Variants in TRDN observed in about 807,000 individuals in gnomAD.
TRDN encodes triadin, also known as triadin in skeletal muscle.
A neutral mutation model predicts 149.7 loss-of-function variants in TRDN; 161 were observed. That is an observed-to-expected ratio of 1.08 (90% CI 0.95 to 1.23). TRDN has a LOEUF of 1.23. TRDN is among the 50% of genes most tolerant of loss of function. The pLI, the probability that TRDN is intolerant of heterozygous loss-of-function variation, is 0.00. For synonymous variants in TRDN, 294 were observed against 250.5 expected (o/e 1.17, Z -1.64); for missense variants, 896 against 823.5 (o/e 1.09, Z -1.08).
chr6:123,339,494 A>C (rs1779991515), intron 21 of TRDN, among the ~76,000 whole-genome samples: 1 of 152,182 alleles, frequency 6.6e-6, no homozygotes, highest in Non-Finnish European at 1.5e-5. Context: ...GGACGCCCAA[A>C]AAGGAAACAT....
chr6:123,236,830 A>C (rs1775806159), intron 38 of TRDN, among the ~76,000 whole-genome samples: 1 of 152,036 alleles, frequency 6.6e-6, no homozygotes, highest in Admixed American at 6.6e-5. Context: ...TACTCTTGTG[A>C]TTACTGTAAG....
intron 9 of TRDN, chr6:123,468,872 T>C (rs1035402668): frequency 2.0e-5 from 3 of 152,150 alleles, no homozygotes; most frequent in African/African-American, 7.2e-5. Flanking sequence ...ACTCTGAACA[T>C]TTTGGAAGGA....
chr6:123,287,588 G>T (rs1391686946), intron 24 of TRDN, among the ~76,000 whole-genome samples: 1 of 152,006 alleles, frequency 6.6e-6, no homozygotes, highest in African/African-American at 2.4e-5. Context: ...AGCAAATAAG[G>T]CTTAATTAGA....
chr6:123,532,826 T>G (rs1417590152), intron 4 of TRDN, among the ~76,000 whole-genome samples: 1 of 151,768 alleles, frequency 6.6e-6, no homozygotes, highest in East Asian at 1.9e-4. Context: ...ACTCCTATTA[T>G]ATTACTACTA....
chr6:123,256,683 AGTTT>A (rs1776575136), intron 35 of TRDN, among the ~76,000 whole-genome samples: 1 of 151,356 alleles, frequency 6.6e-6, no homozygotes, highest in South Asian at 2.1e-4. Flanking sequence ...TTTTCTTGTA[AGTTT>A]GTTTAAGTTC....
chr6:123,496,036 T>C (rs1188218496), intron 9 of TRDN, among the ~76,000 whole-genome samples: 1 of 147,480 alleles, frequency 6.8e-6, no homozygotes, highest in Admixed American at 6.8e-5. Context: ...ATATTATTAA[T>C]ATATTATTAA....
chr6:123,261,792 T>C (rs1317566209), intron 33 of TRDN, among the ~76,000 whole-genome samples: 1 of 151,934 alleles, frequency 6.6e-6, no homozygotes, highest in Non-Finnish European at 1.5e-5. Flanking sequence ...CATTCTAGTT[T>C]TGACTTCCAA....
chr6:123,389,152 A>G (rs920320785), intron 13 of TRDN, among the ~76,000 whole-genome samples: 7 of 152,118 alleles, frequency 4.6e-5, no homozygotes, highest in African/African-American at 1.7e-4. Context: ...TATTTATCCA[A>G]TTCTGGACCA....
chr6:123,608,657 C>CTTT (rs936034880), intron 1 of TRDN, among the ~76,000 whole-genome samples: 1 of 151,956 alleles, frequency 6.6e-6, no homozygotes, highest in African/African-American at 2.4e-5. Flanking sequence ...CATCAGAAAA[C>CTTT]ATTCAAAAGT....
chr6:123,425,978 A>T (rs1489866425), intron 12 of TRDN, among the ~76,000 whole-genome samples: 1 of 152,114 alleles, frequency 6.6e-6, no homozygotes, highest in Non-Finnish European at 1.5e-5. Flanking sequence ...GCTGAGAATG[A>T]CCTTAGAAAT....
At chr6:123,351,065 T>C in intron 21 of TRDN, 1 of 985,002 alleles carries the variant, frequency 1.0e-6, no homozygotes, top group Non-Finnish European at 1.2e-6. Context: ...TAGTCAATCT[T>C]CTTTTGATAT....
Position 123,327,975 on chromosome 6 carries a change from CGTT to C in TRDN, c.1471+3901_1471+3903del, listed in dbSNP as rs1211146046. Among the ~76,000 whole-genome samples, 12 of 152,166 alleles carry C rather than the reference CGTT, an allele frequency of 7.9e-5. No individual in the cohort carries two copies. The East Asian group carries it at 1.9e-3, about 24-fold the overall frequency. The stretch of plus-strand genomic sequence containing the variant: ...ACATATTCATGCACATTGATTTTTG[CGTT>C]GTTTTGTTTAGTCAAAATCATTTTA... On this transcript the variant is annotated intron_variant, in intron 23 of 40. Coordinates refer to ENST00000334268, the MANE Select transcript of TRDN (RefSeq NM_006073.4).
At chr6:123,338,741 T>C (rs187897561) in intron 21 of TRDN, among the ~76,000 whole-genome samples, 1 of 152,306 alleles carries the variant, frequency 6.6e-6, no homozygotes, top group East Asian at 1.9e-4. Flanking sequence ...GCTGTTGTTT[T>C]ACACCACTAA....
At chr6:123,381,791 T>C (rs997897783) in intron 15 of TRDN, among the ~76,000 whole-genome samples, 1 of 151,974 alleles carries the variant, frequency 6.6e-6, no homozygotes, top group African/African-American at 2.4e-5. Context: ...CAAAAAGTAA[T>C]TTAGTGTGTG....
At chr6:123,322,601 C>CT (rs1294259003) in intron 23 of TRDN, among the ~76,000 whole-genome samples, 5 of 145,382 alleles carry the variant, frequency 3.4e-5, no homozygotes, top group African/African-American at 1.0e-4. Flanking sequence ...TGTCCCAGCT[C>CT]TTTTTTTAAA....
At chr6:123,315,946 C>A (rs1370532593) in intron 24 of TRDN, among the ~76,000 whole-genome samples, 1 of 151,828 alleles carries the variant, frequency 6.6e-6, no homozygotes, top group African/African-American at 2.4e-5. Context: ...GATTACTTCT[C>A]CATAAAATAT....
chr6:123,338,666 G>C (rs999913839), intron 21 of TRDN, among the ~76,000 whole-genome samples: 6 of 152,156 alleles, frequency 3.9e-5, no homozygotes, highest in Non-Finnish European at 8.8e-5. Context: ...AGATAATCAA[G>C]TGAAAACAGC....
At chr6:123,461,167 T>C (rs1048910302) in intron 10 of TRDN, among the ~76,000 whole-genome samples, 2 of 152,088 alleles carry the variant, frequency 1.3e-5, no homozygotes, top group Non-Finnish European at 2.9e-5. Flanking sequence ...ACTATTTAAG[T>C]TTGGTTCATA....
At position 123,260,658 on chromosome 6, in the gene TRDN, AAG is replaced by A; in HGVS notation, c.1805-22_1805-21del. ...TTCCTTCTTTAGAAAAAAAAAAAAA[AAG>A]AATGTAGAAAGAAAGGAAAAAAAAT... On this transcript the variant is annotated intron_variant, in intron 33 of 40. Transcript: ENST00000334268. The A allele has an allele frequency of 6.9e-7, 1 of 1,451,336 alleles. No homozygotes were observed. The allele number at this position is 1,451,336 out of a possible 1,614,324, so 89.9% of individuals were successfully genotyped here.
Sources: allele counts gnomAD v4.1 joint callset (sites outside exome capture counted in the v4.1 genomes callset), GRCh38; gene constraint gnomAD v4.1.1; transcripts MANE v1.5; gene names NCBI Gene and HGNC (gene_info 2026-07-23, HGNC 2026-07-21).